NLRC5: variants seen among roughly 807,000 people sequenced by gnomAD.
The protein encoded by NLRC5 is NLR family CARD domain containing 5.
Under a neutral mutation model 206.9 loss-of-function variants are expected in NLRC5, and 114 were observed. The ratio of observed to expected loss-of-function variants is 0.55; its 90% CI spans 0.47 to 0.64. The LOEUF (loss-of-function observed/expected upper bound fraction) is 0.64. Ranked by LOEUF, NLRC5 falls within the 30% of genes least tolerant of loss-of-function variation. The probability of loss-of-function intolerance (pLI) is 0.00; values close to 1 mark genes in which losing one functional copy is unlikely to be tolerated. For synonymous variants in NLRC5, 952 were observed against 962.8 expected (o/e 0.99, Z 0.21); for missense variants, 2,008 against 2,305.5 (o/e 0.87, Z 2.64).
At chr16:57,065,751 C>T (rs2067011015) in intron 33 of NLRC5, among the ~76,000 whole-genome samples, 1 of 152,234 alleles carries the variant, frequency 6.6e-6, no homozygotes, top group Non-Finnish European at 1.5e-5. Context: ...CTGACCTCAA[C>T]CTCCTGCTCT....
At chr16:57,061,556 G>C in intron 31 of NLRC5, 25 bp downstream of exon 31, 1 of 1,609,220 alleles carries the variant, frequency 6.2e-7, no homozygotes, top group Non-Finnish European at 8.5e-7. Context: ...CAGCCCGTGA[G>C]GACAGCAGAG....
chr16:57,029,605 C>T (rs1265294270), intron 8 of NLRC5, among the ~76,000 whole-genome samples, 168 bp from the exon 9 acceptor site: 1 of 152,230 alleles, frequency 6.6e-6, no homozygotes, highest in Admixed American at 6.5e-5. Flanking sequence ...AGCAGAGGGT[C>T]TTTCCTCCTA....
At chr16:57,008,354 T>A (rs1402775533) in intron 1 of NLRC5, among the ~76,000 whole-genome samples, 2 of 152,270 alleles carry the variant, frequency 1.3e-5, no homozygotes, top group African/African-American at 4.8e-5. Flanking sequence ...CTTCATGAAT[T>A]GTTATAAATT....
At chr16:57,074,888 T>C (rs2068172797) in intron 39 of NLRC5, among the ~76,000 whole-genome samples, 3 of 151,928 alleles carry the variant, frequency 2.0e-5, no homozygotes, top group Admixed American at 1.3e-4. Context: ...AAAAGTGGCC[T>C]AAAGGGCTTA....
chr16:57,037,144 G>T, intron 14 of NLRC5, 51 bp from the exon 15 acceptor site: 1 of 1,491,764 alleles, frequency 6.7e-7, no homozygotes, highest in South Asian at 1.1e-5. Context: ...GCTGGCTGGG[G>T]CTGGGTACCT....
intron 1 of NLRC5, chr16:57,013,187 C>A (rs772052930): frequency 3.0e-5 from 12 of 404,290 alleles, no homozygotes; most frequent in Non-Finnish European, 5.2e-5. Context: ...AAGGGATTGA[C>A]TTCTAACTTC....
chr16:57,024,224 G>C (rs1281447790), intron 5 of NLRC5, among the ~76,000 whole-genome samples: 2 of 152,182 alleles, frequency 1.3e-5, no homozygotes, highest in Non-Finnish European at 2.9e-5. Flanking sequence ...ATGGGGAGGG[G>C]TGAGGAGGCC....
chr16:57,041,143 T>A (rs2063229181), intron 17 of NLRC5, among the ~76,000 whole-genome samples: 1 of 152,236 alleles, frequency 6.6e-6, no homozygotes, highest in Non-Finnish European at 1.5e-5. Context: ...CCTGTTTCTC[T>A]CATTTCTTCC....
chr16:57,027,106 A>G, intron 6 of NLRC5, 88 bp downstream of exon 6: 3 of 1,435,936 alleles, frequency 2.1e-6, no homozygotes, highest in Non-Finnish European at 2.8e-6. Context: ...TGCCAAGAGG[A>G]CTGGATAAGA....
chr16:57,034,052 G>A (rs2062200543), intron 12 of NLRC5, 116 bp from the exon 13 acceptor site: 2 of 757,956 alleles, frequency 2.6e-6, no homozygotes, highest in Non-Finnish European at 4.4e-6. Context: ...AAGAGGTGTG[G>A]CTAGGATTAG....
intron 13 of NLRC5, among the ~76,000 whole-genome samples, 187 bp from the exon 14 acceptor site, chr16:57,035,913 G>A (rs1283690123): frequency 6.6e-6 from 1 of 152,188 alleles, no homozygotes; most frequent in Non-Finnish European, 1.5e-5. Flanking sequence ...GATGAAATAG[G>A]CCAATAGTCA....
intron 1 of NLRC5, among the ~76,000 whole-genome samples, chr16:57,011,412 CAA>C (rs34846080): frequency 0.14 from 16,302 of 120,470 alleles, 1,365 homozygotes; most frequent in East Asian, 0.44. Flanking sequence ...GACTCCGTCT[CAA>C]AAAAAAAAAA....
intron 1 of NLRC5, among the ~76,000 whole-genome samples, chr16:57,011,313 T>G (rs988587680): frequency 2.9e-4 from 44 of 151,254 alleles, no homozygotes; most frequent in African/African-American, 9.2e-4. Flanking sequence ...CTCAGGAGGT[T>G]GAGACAGGAG....
intron 1 of NLRC5, among the ~76,000 whole-genome samples, chr16:57,010,997 G>T (rs1672861): frequency 0.89 from 135,430 of 151,966 alleles, 61,408 homozygotes; most frequent in Non-Finnish European, 0.99. Context: ...TGTCCCAGCA[G>T]GCCCAGACCC....
At chr16:57,028,025 C>A in intron 6 of NLRC5, 47 bp from the exon 7 acceptor site, 1 of 1,399,432 alleles carries the variant, frequency 7.1e-7, no homozygotes, top group South Asian at 1.2e-5. Flanking sequence ...GACTTCTCAG[C>A]TCTGCCCAGC....
chr16:57,057,769 T>TTGC (rs1432748609), intron 27 of NLRC5, among the ~76,000 whole-genome samples: 1 of 151,522 alleles, frequency 6.6e-6, no homozygotes, highest in African/African-American at 2.4e-5. Flanking sequence ...AACGTAGGAG[T>TTGC]TGCTGGTCAT....
At chr16:57,068,167 T>G (rs1216995136) in intron 36 of NLRC5, among the ~76,000 whole-genome samples, 1 of 152,184 alleles carries the variant, frequency 6.6e-6, no homozygotes, top group East Asian at 1.9e-4. Context: ...TGGTGGCTCA[T>G]GTCTGTAATC....
At chr16:57,059,969 A>C (rs1316886097) in intron 30 of NLRC5, among the ~76,000 whole-genome samples, 1 of 152,024 alleles carries the variant, frequency 6.6e-6, no homozygotes, top group Non-Finnish European at 1.5e-5. Flanking sequence ...TAATAAGTAT[A>C]AAGTGCCAGG....
At chr16:57,021,432 C>T (rs746624071) in intron 3 of NLRC5, among the ~76,000 whole-genome samples, 1 of 152,178 alleles carries the variant, frequency 6.6e-6, no homozygotes, top group Non-Finnish European at 1.5e-5. Context: ...AATCATAGCT[C>T]ACTACAGCAT....
Sources: gnomAD v4.1 joint callset for allele counts (sites outside exome capture counted in the v4.1 genomes callset) on GRCh38, gnomAD v4.1.1 for gene constraint, MANE v1.5 for transcripts, NCBI Gene and HGNC (gene_info 2026-07-23, HGNC 2026-07-21) for gene names.